LIMCH1: variants seen among roughly 807,000 people sequenced by gnomAD.
The protein encoded by LIMCH1 is LIM and calponin homology domains 1.
Under a neutral mutation model 176.5 loss-of-function variants are expected in LIMCH1, and 113 were observed. The ratio of observed to expected loss-of-function variants is 0.64; its 90% CI spans 0.55 to 0.75. The LOEUF (loss-of-function observed/expected upper bound fraction) is 0.75, where lower values mean the gene tolerates loss of function less well. Ranked by LOEUF, LIMCH1 falls within the 30% of genes least tolerant of loss-of-function variation. The probability of loss-of-function intolerance (pLI) is 0.00; values close to 1 mark genes in which losing one functional copy is unlikely to be tolerated. For synonymous variants in LIMCH1, 619 were observed against 645.9 expected, an observed-to-expected ratio of 0.96 and a Z score of 0.63; for missense variants, 1,674 against 1,814.9, an observed-to-expected ratio of 0.92 and a Z score of 1.41.
intron 31 of LIMCH1, 170 bp downstream of exon 31, chr4:41,692,554 C>T: frequency 1.8e-6 from 1 of 554,776 alleles, no homozygotes; most frequent in East Asian, 3.1e-5. Context: ...CTCGTTTCTT[C>T]CTGGAAGTTA....
chr4:41,639,021 C>T (rs1275665685), intron 14 of LIMCH1, 54 bp downstream of exon 14: 1 of 1,296,722 alleles, frequency 7.7e-7, no homozygotes, highest in East Asian at 2.5e-5. Flanking sequence ...AAACTGCATG[C>T]TTCCAGTACT....
At chr4:41,611,719 A>G (rs1470063938) in intron 4 of LIMCH1, among the ~76,000 whole-genome samples, 3 of 152,376 alleles carry the variant, frequency 2.0e-5, no homozygotes, top group South Asian at 4.1e-4. Context: ...CATAACATGC[A>G]AAAAACATCA....
intron 31 of LIMCH1, among the ~76,000 whole-genome samples, chr4:41,693,564 A>G (rs1728037094): frequency 6.7e-6 from 1 of 149,980 alleles, no homozygotes; most frequent in Non-Finnish European, 1.5e-5. Flanking sequence ...TATATATTAA[A>G]TTATATAAAT....
At chr4:41,552,877 T>C (rs1242466103) in intron 1 of LIMCH1, among the ~76,000 whole-genome samples, 1 of 152,202 alleles carries the variant, frequency 6.6e-6, no homozygotes, top group African/African-American at 2.4e-5. Context: ...TCATGGCTCA[T>C]GGAAGTAATA....
At position 41,612,608 on chromosome 4, in the gene LIMCH1, G is replaced by A. The variant is rs1430354091; in HGVS notation, c.10-858G>A. The A allele has an allele frequency of 7.1e-6, 5 of 702,568 alleles. No homozygotes were observed. In the Admixed American group the frequency reaches 8.0e-5, roughly 11 times the overall value. The allele number at this position is 702,568 out of a possible 1,614,324, so 43.5% of individuals were successfully genotyped here. Reference sequence around the variant, plus strand: ...GGCTTTTATTATAATACGAGGGTGAGGATGGCTTTGACTGACCTTTCTTCT... The same window carrying A: ...GGCTTTTATTATAATACGAGGGTGAAGATGGCTTTGACTGACCTTTCTTCT... On this transcript the variant is annotated intron_variant, in intron 4 of 31. Transcript: ENST00000503057.
intron 1 of LIMCH1, among the ~76,000 whole-genome samples, chr4:41,402,299 T>A (rs1470206547): frequency 6.6e-6 from 1 of 151,750 alleles, no homozygotes; most frequent in East Asian, 1.9e-4. Context: ...CCAGTTAGAA[T>A]GGCAATCATT....
chr4:41,429,114 G>A (rs1172311962), intron 1 of LIMCH1, among the ~76,000 whole-genome samples: 1 of 152,172 alleles, frequency 6.6e-6, no homozygotes, highest in Non-Finnish European at 1.5e-5. Context: ...AGTGGTGCTT[G>A]AGTGGCTGTG....
intron 1 of LIMCH1, among the ~76,000 whole-genome samples, chr4:41,416,482 T>C (rs1040521766): frequency 1.3e-5 from 2 of 150,416 alleles, no homozygotes; most frequent in Non-Finnish European, 2.9e-5. Context: ...TGAAACCTCA[T>C]CTCTACTAAA....
chr4:41,527,788 A>T (rs994874223), intron 3 of LIMCH1, among the ~76,000 whole-genome samples: 1 of 137,194 alleles, frequency 7.3e-6, no homozygotes, highest in South Asian at 2.3e-4. Flanking sequence ...GCGCCACTGC[A>T]CTCCAGCCTG....
intron 2 of LIMCH1, among the ~76,000 whole-genome samples, chr4:41,501,886 T>TA (rs1385656116): frequency 1.4e-3 from 136 of 97,906 alleles, no homozygotes; most frequent in African/African-American, 3.3e-3. Flanking sequence ...TTTTTTTTTT[T>TA]AAAAAAAACC....
At chr4:41,370,285 A>C (rs2053765145) in intron 1 of LIMCH1, among the ~76,000 whole-genome samples, 1 of 152,172 alleles carries the variant, frequency 6.6e-6, no homozygotes, top group Non-Finnish European at 1.5e-5. Flanking sequence ...GGATGAGGGA[A>C]AGATAGAGCA....
At chr4:41,513,529 C>A (rs1020516170) in intron 2 of LIMCH1, among the ~76,000 whole-genome samples, 3 of 152,178 alleles carry the variant, frequency 2.0e-5, no homozygotes, top group Non-Finnish European at 4.4e-5. Flanking sequence ...GAGCCAACTC[C>A]TAACTCTTCT....
chr4:41,510,976 GA>G, intron 2 of LIMCH1, among the ~76,000 whole-genome samples: 1 of 152,302 alleles, frequency 6.6e-6, no homozygotes, highest in East Asian at 1.9e-4. Context: ...AAGAAAAAGT[GA>G]AGACTGTATA....
Position 41,456,032 on chromosome 4 carries a change from T to A in LIMCH1, c.97-38504T>A, listed in dbSNP as rs553828379. 5.8e-3 allele frequency among the ~76,000 whole-genome samples: 883 copies of A among 152,272 alleles called. 2 individuals are homozygous for A. The highest frequency in any genetic ancestry group is 9.5e-3 in the Non-Finnish European group (644 of 68,026). ...GGATGTGAGACACACTTTTTTTTGT[T>A]TGTTTGTTTTGTTTGTTTGTTTTTG... On this transcript the variant is annotated intron_variant, in intron 1 of 26. Transcript: ENST00000313860.
At chr4:41,441,789 T>C (rs547150948) in intron 1 of LIMCH1, among the ~76,000 whole-genome samples, 2 of 152,228 alleles carry the variant, frequency 1.3e-5, no homozygotes, top group Admixed American at 6.5e-5. Flanking sequence ...ATATGAAATA[T>C]CTACTTTGCT....
At chr4:41,662,589 TA>T (rs1237771769) in intron 19 of LIMCH1, among the ~76,000 whole-genome samples, 1 of 152,156 alleles carries the variant, frequency 6.6e-6, no homozygotes, top group Non-Finnish European at 1.5e-5. Flanking sequence ...AAGTTCTTCA[TA>T]GTGTGGTTAT....
chr4:41,552,882 G>A (rs903472955), intron 1 of LIMCH1, among the ~76,000 whole-genome samples: 5 of 152,110 alleles, frequency 3.3e-5, no homozygotes, highest in African/African-American at 1.2e-4. Context: ...GCTCATGGAA[G>A]TAATATATAT....
At chr4:41,472,611 G>A (rs1427393761) in intron 1 of LIMCH1, among the ~76,000 whole-genome samples, 1 of 151,918 alleles carries the variant, frequency 6.6e-6, no homozygotes, top group African/African-American at 2.4e-5. Flanking sequence ...GTAGAGATGG[G>A]TGTTGCCATG....
intron 2 of LIMCH1, among the ~76,000 whole-genome samples, chr4:41,600,844 G>A (rs1192972279): frequency 6.6e-6 from 1 of 152,140 alleles, no homozygotes; most frequent in Non-Finnish European, 1.5e-5. Flanking sequence ...ATCTAAAGGG[G>A]AAAATGTCAC....
Sources: gnomAD v4.1 joint callset for allele counts (sites outside exome capture counted in the v4.1 genomes callset) on GRCh38, gnomAD v4.1.1 for gene constraint, MANE v1.5 for transcripts, NCBI Gene and HGNC (gene_info 2026-07-23, HGNC 2026-07-21) for gene names.